The following LRP1B variants were observed in gnomAD, a reference collection of about 807,000 sequenced individuals.
LRP1B encodes the protein LDL receptor related protein 1B, also known as low-density lipoprotein receptor-related protein 1B.
In LRP1B, 217 loss-of-function variants were observed where a neutral mutation model predicts 556.6. That is an observed-to-expected ratio of 0.39 (90% CI 0.35 to 0.44). The LOEUF is 0.44. LRP1B is among the 20% of genes least tolerant of loss of function. LRP1B has a pLI of 1.00. For synonymous variants in LRP1B, 2,047 were observed against 1,865.8 expected (o/e 1.10, Z -2.50); for missense variants, 5,053 against 5,620.8 (o/e 0.90, Z 3.23).
chr2:140,386,028 G>GATAA lies in LRP1B; in HGVS notation c.10415-20_10415-19insTTAT, dbSNP rs2105199048. ...TTTTTATCTGTAATGGAAAGAACCA[G>GATAA]AGTTTGCATTGTAGATTTCCATGAA... On this transcript the variant is annotated intron_variant, in intron 66 of 90. Coordinates refer to ENST00000389484, the MANE Select transcript of LRP1B (RefSeq NM_018557.3). The GATAA allele has an allele frequency of 6.8e-7, 1 of 1,463,856 alleles. No homozygotes were observed. Among genetic ancestry groups the GATAA allele is most frequent in the East Asian group, 2.3e-5 (1 of 43,962 alleles). 90.7% of individuals were successfully genotyped at this position (1,463,856 alleles called of 1,614,324 possible).
chr2:141,103,005 G>A (rs114929372), intron 7 of LRP1B, among the ~76,000 whole-genome samples: 2,703 of 152,078 alleles, frequency 0.018, 37 homozygotes, highest in Middle Eastern at 0.031. Flanking sequence ...AAGCAAACCA[G>A]AGGCAATTCT....
chr2:140,840,714 A>T (rs1008658559), intron 30 of LRP1B, among the ~76,000 whole-genome samples: 2 of 152,184 alleles, frequency 1.3e-5, no homozygotes, highest in Middle Eastern at 3.2e-3. Flanking sequence ...TATGTCACAG[A>T]TATATGTTGG....
chr2:141,763,138 A>G (rs930313684), intron 2 of LRP1B, among the ~76,000 whole-genome samples: 2 of 152,196 alleles, frequency 1.3e-5, no homozygotes, highest in Admixed American at 1.3e-4. Context: ...CTTTCTGGAT[A>G]GAAATATAGA....
intron 1 of LRP1B, among the ~76,000 whole-genome samples, chr2:142,067,370 T>C (rs1413430354): frequency 2.0e-5 from 3 of 151,516 alleles, no homozygotes; most frequent in Non-Finnish European, 3.0e-5. Context: ...AAATGTAATA[T>C]ATTCCATGTT....
At chr2:140,490,620 G>A (rs1035642892) in intron 57 of LRP1B, among the ~76,000 whole-genome samples, 2 of 152,122 alleles carry the variant, frequency 1.3e-5, no homozygotes, top group African/African-American at 4.8e-5. Flanking sequence ...CTGCATATGT[G>A]GACAGACTCT....
rs949478205 is a variant in LRP1B at position 141,850,655 on chromosome 2, T to A, written c.83-40254A>T. Among the ~76,000 whole-genome samples, 3 of 145,258 alleles carry A rather than the reference T, an allele frequency of 2.1e-5. 1 individual carries two copies. Among genetic ancestry groups the A allele is most frequent in the Non-Finnish European group, 3.0e-5 (2 of 65,636 alleles). On this transcript the variant is annotated intron_variant, in intron 1 of 90. Coordinates refer to ENST00000389484, the MANE Select transcript of LRP1B (RefSeq NM_018557.3). ...GTGTGTGTGTGTGTGTGTGTGTGTG[T>A]GAGCATGTACACAAAAGTAGTCCTC...
chr2:140,956,879 A>G (rs1485403535), intron 18 of LRP1B, among the ~76,000 whole-genome samples: 7 of 151,902 alleles, frequency 4.6e-5, no homozygotes, highest in African/African-American at 1.7e-4. Context: ...AAAATGGAAG[A>G]AAATATCACT....
intron 7 of LRP1B, among the ~76,000 whole-genome samples, chr2:141,069,948 C>A (rs1045527656): frequency 7.6e-6 from 1 of 130,914 alleles, no homozygotes; most frequent in Non-Finnish European, 1.6e-5. Context: ...AGCTATACCT[C>A]CCCCCTCCCC....
At chr2:141,630,640 T>G (rs1574164355) in intron 2 of LRP1B, among the ~76,000 whole-genome samples, 1 of 152,184 alleles carries the variant, frequency 6.6e-6, no homozygotes, top group Non-Finnish European at 1.5e-5. Flanking sequence ...CTTTCGATGG[T>G]TTGACTTCTC....
intron 1 of LRP1B, among the ~76,000 whole-genome samples, chr2:141,960,819 C>A (rs1321062073): frequency 1.3e-5 from 2 of 151,100 alleles, no homozygotes; most frequent in Admixed American, 6.6e-5. Context: ...AGATTATATA[C>A]AGATTACATA....
chr2:141,141,083 A>C (rs1315974380), intron 7 of LRP1B, among the ~76,000 whole-genome samples: 1 of 152,132 alleles, frequency 6.6e-6, no homozygotes, highest in East Asian at 1.9e-4. Context: ...ATGGGCATTA[A>C]GTTAGTAAAA....
At chr2:141,310,221 A>T (rs1054472543) in intron 3 of LRP1B, among the ~76,000 whole-genome samples, 13 of 152,188 alleles carry the variant, frequency 8.5e-5, no homozygotes, top group Non-Finnish European at 1.5e-4. Context: ...CTCTATTTTC[A>T]TGTCTTATTT....
chr2:140,806,851 A>G (rs1690734871), intron 32 of LRP1B, among the ~76,000 whole-genome samples: 1 of 152,240 alleles, frequency 6.6e-6, no homozygotes, highest in African/African-American at 2.4e-5. Context: ...TCAACAAGAA[A>G]TAAGACTATT....
chr2:142,015,991 C>CAAAAAAAAAAA (rs70994471), intron 1 of LRP1B, among the ~76,000 whole-genome samples: 3,397 of 38,724 alleles, frequency 0.088, 1,033 homozygotes, highest in East Asian at 0.24. Flanking sequence ...GACTCCATCT[C>CAAAAAAAAAAA]AAAAAAAAAA....
chr2:141,029,215 T>C (rs1339180184), intron 11 of LRP1B, among the ~76,000 whole-genome samples: 2 of 152,230 alleles, frequency 1.3e-5, no homozygotes, highest in East Asian at 3.9e-4. Flanking sequence ...TTAAATAGCC[T>C]TTTCCCCCTG....
intron 1 of LRP1B, among the ~76,000 whole-genome samples, chr2:142,052,001 G>A (rs896166445): frequency 1.4e-4 from 22 of 151,978 alleles, no homozygotes; most frequent in African/African-American, 3.6e-4. Context: ...CCTCCCTTAC[G>A]GTATTTAAAT....
chr2:141,344,484 C>T (rs1183235211), intron 3 of LRP1B, among the ~76,000 whole-genome samples: 1 of 152,154 alleles, frequency 6.6e-6, no homozygotes, highest in Non-Finnish European at 1.5e-5. Context: ...CCTAGATAAT[C>T]ACCTGGTTGG....
In LRP1B at chr2:141,978,772, T is replaced by C. The variant is rs557839426; in HGVS notation, c.82+151876A>G. Among the ~76,000 whole-genome samples, 8 of 152,188 alleles carry C rather than the reference T, an allele frequency of 5.3e-5. No homozygotes were observed. The East Asian group carries it at 1.5e-3, about 29-fold the overall frequency. On this transcript the variant is annotated intron_variant, in intron 1 of 90. Coordinates refer to ENST00000389484, the MANE Select transcript of LRP1B (RefSeq NM_018557.3). The stretch of plus-strand genomic sequence containing the variant: ...ATTTTTTTCTTAATGCTAGCTTATT[T>C]GATCCAGAACTGTCCATTACTATAG...
chr2:141,028,124 T>TAA (rs1412007929), intron 11 of LRP1B, among the ~76,000 whole-genome samples: 1 of 152,060 alleles, frequency 6.6e-6, no homozygotes, highest in African/African-American at 2.4e-5. Context: ...AAAAATATAA[T>TAA]AAATTGCTTT....
Sources: allele counts gnomAD v4.1 joint callset (sites outside exome capture counted in the v4.1 genomes callset), GRCh38; gene constraint gnomAD v4.1.1; transcripts MANE v1.5; gene names NCBI Gene and HGNC (gene_info 2026-07-23, HGNC 2026-07-21).